RBM12B: variants seen among roughly 807,000 people sequenced by gnomAD.
The protein encoded by RBM12B is RNA-binding protein 12B.
Under a neutral mutation model 34.3 loss-of-function variants are expected in RBM12B, and 10 were observed. That is an observed-to-expected ratio of 0.29 (90% CI 0.18 to 0.49). The LOEUF is 0.49. Among genes scored for constraint, RBM12B ranks in the 20% least tolerant of loss-of-function variants. The probability of loss-of-function intolerance (pLI) is 0.99; values close to 1 mark genes in which losing one functional copy is unlikely to be tolerated. For synonymous variants in RBM12B, 477 were observed against 437.1 expected (o/e 1.09, Z -1.14); for missense variants, 1,139 against 1,262.7 (o/e 0.90, Z 1.48).
Position 93,734,355 on chromosome 8 carries a change from G to C in RBM12B, c.2056C>G (p.Pro686Ala), listed in dbSNP as rs751530992. The C allele has an allele frequency of 6.2e-7, 1 of 1,613,216 alleles. No individual in the cohort carries two copies. Among genetic ancestry groups the C allele is most frequent in the East Asian group, 2.2e-5 (1 of 44,804 alleles). ...RRPPEEDFRRPLQGEWRRPPE... is the reference protein window; with the variant it reads ...RRPPEEDFRRALQGEWRRPPE... Reference sequence around the variant, plus strand: ...GGTCGCCTCCATTCTCCCTGAAGAGGCCGCCTAAAGTCCTCCTCTGGGGGC... The same window carrying C: ...GGTCGCCTCCATTCTCCCTGAAGAGCCCGCCTAAAGTCCTCCTCTGGGGGC... The change falls in exon 4 of 4, where the codon CCT (proline) becomes GCT (alanine). Residue 686 changes from proline (P) to alanine (A), a missense_variant. Coordinates refer to ENST00000520560, the MANE Select transcript of RBM12B (RefSeq NM_001377960.1).
Position 93,735,627 on chromosome 8 carries a change from T to C in RBM12B, c.784A>G (p.Arg262Gly), listed in dbSNP as rs1050243917. The change falls in exon 4 of 4, where the codon AGA becomes GGA. Residue 262 changes from arginine to glycine, a missense_variant. Transcript: ENST00000520560. ...GAATGAGACCGTTTTCGAAAATGTCTATCATTAATTCCTCTTGGTGGAGAA... is the reference window on the plus strand; with the variant it reads ...GAATGAGACCGTTTTCGAAAATGTCCATCATTAATTCCTCTTGGTGGAGAA... ...EHSPPRGIND[R>G]HFRKRSHSKS... is the part of the protein sequence containing the mutation. 71 of 1,614,036 alleles carry C rather than the reference T, an allele frequency of 4.4e-5. No individual in the cohort carries two copies. Among genetic ancestry groups the C allele is most frequent in the Non-Finnish European group, 6.0e-5 (71 of 1,179,996 alleles).
Position 93,734,616 on chromosome 8 carries a change from A to G in RBM12B, c.1795T>C (p.Trp599Arg), listed in dbSNP as rs539476947. Reference sequence around the variant, plus strand: ...GGAGGGCGCCTGAAATCTTCCTCCCAAGGGCGCCTGAAGTCCTCCTCAGAA... The same window carrying G: ...GGAGGGCGCCTGAAATCTTCCTCCCGAGGGCGCCTGAAGTCCTCCTCAGAA... ...RPSEEDFRRPWEEDFRRPPED... is the reference protein window; with the variant it reads ...RPSEEDFRRPREEDFRRPPED... The change falls in exon 4 of 4, where the codon TGG (tryptophan) becomes CGG (arginine). Residue 599 changes from tryptophan to arginine, a missense_variant. By Grantham distance (101) the Trp-to-Arg change is moderately radical. This residue lies in a region of RBM12B where 863 missense variants were observed against 869.5 expected (regional missense o/e 0.99). Transcript: ENST00000520560. 6.4e-7 allele frequency: 1 copy of G among 1,574,466 alleles called. No individual in the cohort carries two copies. Among genetic ancestry groups the G allele is most frequent in the Non-Finnish European group, 8.6e-7 (1 of 1,162,812 alleles).
rs369221222 is a variant in RBM12B at position 93,736,242 on chromosome 8, T to A, written c.169A>T (p.Ile57Leu). Residue 57 changes from isoleucine (I) to leucine (L), a missense_variant, in exon 4 of 4, where the codon ATA becomes TTA. This residue lies in a region of RBM12B where 216 missense variants were observed against 292.2 expected (regional missense o/e 0.74). Coordinates refer to ENST00000520560, the MANE Select transcript of RBM12B (RefSeq NM_001377960.1). ...FATDEDARRA[I>L]SRSGGFIKDS... ...TTGATAAACCCTCCTGAACGACTTA[T>A]GGCACGTCTTGCATCTTCATCTGTT... 1 of 1,614,212 alleles carries A rather than the reference T, an allele frequency of 6.2e-7. No individual in the cohort carries two copies.
In RBM12B at chr8:93,730,213, AAAC is replaced by A. The variant is rs1460646117; in HGVS notation, c.*3189_*3191del. The A allele has an allele frequency of 3.3e-5, 5 of 152,330 alleles. No homozygotes were observed. Among genetic ancestry groups the A allele is most frequent in the Admixed American group, 1.3e-4 (2 of 15,308 alleles). 9.4% of individuals were successfully genotyped at this position (152,330 alleles called of 1,614,324 possible). On this transcript the variant is annotated 3_prime_UTR_variant, in exon 4 of 4. Transcript: ENST00000520560. ...CATATAGTATCTAATACAGCTCAAT[AAAC>A]AACAGCTAATATTTACTGCAAAAAC...
rs553521582 is a variant in RBM12B at position 93,730,180 on chromosome 8, T to C, written c.*3225A>G. 1.4e-4 allele frequency: 21 copies of C among 152,304 alleles called. No homozygotes were observed. Among genetic ancestry groups the C allele is most frequent in the African/African-American group, 4.8e-4 (20 of 41,556 alleles). 9.4% of individuals were successfully genotyped at this position (152,304 alleles called of 1,614,324 possible). On this transcript the variant is annotated 3_prime_UTR_variant, in exon 4 of 4. Coordinates refer to ENST00000520560, the MANE Select transcript of RBM12B (RefSeq NM_001377960.1). Reference sequence around the variant, plus strand: ...TAAATGATAGTTAATTCATACATAATTATACATCATATAGTATCTAATACA... The same window carrying C: ...TAAATGATAGTTAATTCATACATAACTATACATCATATAGTATCTAATACA...
Position 93,734,973 on chromosome 8 carries a change from T to C in RBM12B, c.1438A>G (p.Ile480Val). ...VLLRLISEAQ[I>V]QEFGVNFSVM... ...GAAAAATTTACACCAAACTCCTGTA[T>C]TTGTGCCTCAGATATAAGTCTTAAT... Residue 480 changes from isoleucine to valine, a missense_variant, in exon 4 of 4, where the codon ATA (isoleucine) becomes GTA (valine). Transcript: ENST00000520560. 6.2e-7 allele frequency: 1 copy of C among 1,614,148 alleles called. No homozygotes were observed.
chr8:93,740,968 A>T lies in RBM12B; in HGVS notation c.-233T>A, dbSNP rs1471815634. On this transcript the variant is annotated 5_prime_UTR_variant, in exon 1 of 4. Coordinates refer to ENST00000520560, the MANE Select transcript of RBM12B (RefSeq NM_001377960.1). The stretch of plus-strand genomic sequence containing the variant: ...CCCCAAAACAGGTAGACCCTCAGTG[A>T]GCCCAGAAGAAGATGGCGCCCACTG... The T allele has an allele frequency of 5.6e-6, 1 of 179,370 alleles. No individual in the cohort carries two copies. Among genetic ancestry groups the T allele is most frequent in the Non-Finnish European group, 1.2e-5 (1 of 82,880 alleles). 11.1% of individuals were successfully genotyped at this position (179,370 alleles called of 1,614,324 possible). A position where few individuals can be genotyped will look rare whatever the true frequency, so the allele number is the denominator to read the frequency against.
chr8:93,734,847 C>T lies in RBM12B; in HGVS notation c.1564G>A (p.Gly522Ser), dbSNP rs1554611113. Residue 522 changes from glycine (G) to serine (S), a missense_variant, in exon 4 of 4, where the codon GGT (glycine) becomes AGT (serine). By Grantham distance (56) the Gly-to-Ser change is moderately conservative. Transcript: ENST00000520560. Reference protein sequence around the residue: ...DSKDPPIYSVGAFENFRHQLE... With the variant: ...DSKDPPIYSVSAFENFRHQLE... ...TGATGTCTAAAGTTTTCAAAAGCAC[C>T]AACTGAGTATATTGGTGGGTCTTTT... The T allele has an allele frequency of 3.7e-6, 6 of 1,614,112 alleles. No homozygotes were observed. The East Asian group carries it at 1.3e-4, about 36-fold the overall frequency.
chr8:93,733,420 CTT>C lies in RBM12B; in HGVS notation c.2989_2990del (p.Lys997ValfsTer11). The stretch of plus-strand genomic sequence containing the variant: ...TGCTCTCTCTCTACAGCAAAGTTAA[CTT>C]AACTTTTCGGGGCCCAACTGGCCTA... ...NDRPVGPRKV[K>X]LTLL On this transcript the variant is annotated frameshift_variant, in exon 4 of 4. Coordinates refer to ENST00000520560, the MANE Select transcript of RBM12B (RefSeq NM_001377960.1). LOFTEE classifies it high-confidence loss of function. 1 of 1,538,268 alleles carries C rather than the reference CTT, an allele frequency of 6.5e-7. No individual in the cohort carries two copies. Among genetic ancestry groups the C allele is most frequent in the East Asian group, 2.3e-5 (1 of 44,136 alleles).
At chr8:93,740,497 C>CT (rs1358095343) in intron 2 of RBM12B, 132 bp downstream of exon 2, 1 of 457,308 alleles carries the variant, frequency 2.2e-6, no homozygotes. Flanking sequence ...ACATTCCACC[C>CT]TAACTCGCCA....
chr8:93,736,515 C>G, intron 3 of RBM12B, 77 bp from the exon 4 acceptor site: 1 of 1,097,332 alleles, frequency 9.1e-7, no homozygotes, highest in South Asian at 2.4e-5. Context: ...TAATAATTAC[C>G]TGGTTCCTGC....
chr8:93,734,484 A>G lies in RBM12B; in HGVS notation c.1927T>C (p.Phe643Leu). The change falls in exon 4 of 4, where the codon TTC (phenylalanine) becomes CTC (leucine). Residue 643 changes from phenylalanine (F) to leucine (L), a missense_variant. Transcript: ENST00000520560. The stretch of plus-strand genomic sequence containing the variant: ...AAGTCCTCCTCGGGGAGCTGCCTGA[A>G]GTCCTCCGTGGGAGACCGCCTGAAA... ...EDFRRSPTED[F>L]RQLPEEDFRQ... 2 of 1,607,328 alleles carry G rather than the reference A, an allele frequency of 1.2e-6. No homozygotes were observed. The highest frequency in any genetic ancestry group is 1.7e-6 in the Non-Finnish European group (2 of 1,176,156).
At chr8:93,740,511 G>A (rs2130487226) in intron 2 of RBM12B, 118 bp downstream of exon 2, 2 of 457,138 alleles carry the variant, frequency 4.4e-6, no homozygotes, top group Non-Finnish European at 4.4e-6. Flanking sequence ...CTCGCCAGAG[G>A]GTGAACTGCC....
At chr8:93,740,250 C>T (rs1355042543) in intron 2 of RBM12B, 2 of 453,738 alleles carry the variant, frequency 4.4e-6, no homozygotes, top group African/African-American at 4.0e-5. Flanking sequence ...AAGACGAATC[C>T]ACATGGCACA....
Position 93,734,113 on chromosome 8 carries a change from T to G in RBM12B, c.2298A>C (p.Pro766=), listed in dbSNP as rs201631348. ...GCGGGCGCCTGAAATGCTCTGGGGGTGGCCGCCTGAAGTGCTCTGGGGGTG... is the reference window on the plus strand; with the variant it reads ...GCGGGCGCCTGAAATGCTCTGGGGGGGGCCGCCTGAAGTGCTCTGGGGGTG... The part of the protein sequence containing the change: ...RRPPPEHFRR[P]PPEHFRRPPP... Residue 766 remains proline, a synonymous_variant, in exon 4 of 4, where the codon CCA becomes CCC. Transcript: ENST00000520560. 8 of 1,554,414 alleles carry G rather than the reference T, an allele frequency of 5.1e-6. No homozygotes were observed. Among genetic ancestry groups the G allele is most frequent in the Non-Finnish European group, 6.9e-6 (8 of 1,153,186 alleles).
intron 2 of RBM12B, chr8:93,740,057 T>TAA (rs1409430461): frequency 1.7e-5 from 5 of 298,752 alleles, no homozygotes; most frequent in African/African-American, 8.8e-5. Flanking sequence ...GACTACTTCG[T>TAA]AAAGCCCAAG....
rs759202418 is a variant in RBM12B at position 93,734,907 on chromosome 8, G to A, written c.1504C>T (p.Arg502Cys). The A allele has an allele frequency of 1.9e-5, 31 of 1,613,162 alleles. No individual in the cohort carries two copies. Among genetic ancestry groups the A allele is most frequent in the African/African-American group, 6.7e-5 (5 of 74,912 alleles). ...AAATGGGAATGGTCACCTCGCTCAC[G>A]TGACTGTGAGCGAGCTTGCATTTTT... is the stretch of plus-strand genomic sequence containing the variant. ...SEKMQARSQS[R>C]ERGDHSHLFD... The change falls in exon 4 of 4, where the codon CGT becomes TGT. Residue 502 changes from arginine (R) to cysteine (C), a missense_variant. By Grantham distance (180) the Arg-to-Cys change is radical. Coordinates refer to ENST00000520560, the MANE Select transcript of RBM12B (RefSeq NM_001377960.1).
Position 93,734,214 on chromosome 8 carries a change from G to C in RBM12B, c.2197C>G (p.Arg733Gly), listed in dbSNP as rs745848080. ...CTCCGGAAATGCTCTGGGGGTGGCC[G>C]ACGGAAATGCTCCTGAGGTGGCCTC... ...FRRPPQEHFR[R>G]PPPEHFRRPP... The change falls in exon 4 of 4, where the codon CGG becomes GGG. Residue 733 changes from arginine (R) to glycine (G), a missense_variant. Arg to Gly is a moderately radical substitution (Grantham distance 125, BLOSUM62 -2). This residue lies in a region of RBM12B where 863 missense variants were observed against 869.5 expected (regional missense o/e 0.99). Transcript: ENST00000520560. 3 of 1,595,758 alleles carry C rather than the reference G, an allele frequency of 1.9e-6. No individual in the cohort carries two copies. Among genetic ancestry groups the C allele is most frequent in the South Asian group, 2.3e-5 (2 of 88,564 alleles).
At chr8:93,736,860 G>A (rs903323875) in intron 3 of RBM12B, among the ~76,000 whole-genome samples, 1 of 152,210 alleles carries the variant, frequency 6.6e-6, no homozygotes, top group Non-Finnish European at 1.5e-5. Context: ...TCTATGGTTA[G>A]TATATAATTT....
Sources: allele counts gnomAD v4.1 joint callset (sites outside exome capture counted in the v4.1 genomes callset), GRCh38; gene constraint gnomAD v4.1.1; regional missense constraint gnomAD v4.1.1; transcripts MANE v1.5; gene names NCBI Gene and HGNC (gene_info 2026-07-23, HGNC 2026-07-21).